The following PIK3R3 variants were observed in gnomAD, a reference collection of about 807,000 sequenced individuals.
PIK3R3 encodes the protein phosphatidylinositol 3-kinase regulatory subunit gamma.
A neutral mutation model predicts 62.9 loss-of-function variants in PIK3R3; 64 were observed. The observed-to-expected ratio is 1.02, with a 90% CI of 0.83 to 1.25. The LOEUF (loss-of-function observed/expected upper bound fraction) is 1.25, where lower values mean the gene tolerates loss of function less well. Among genes scored for constraint, PIK3R3 ranks in the 50% most tolerant of loss-of-function variants. The pLI, the probability that PIK3R3 is intolerant of heterozygous loss-of-function variation, is 0.00. For missense variants in PIK3R3, 614 were observed against 561.6 expected (o/e 1.09, Z -0.94); for synonymous variants, 165 against 189.0 (o/e 0.87, Z 1.04).
intron 1 of PIK3R3, among the ~76,000 whole-genome samples, chr1:46,084,397 T>G (rs1017943216): frequency 6.6e-6 from 1 of 152,220 alleles, no homozygotes; most frequent in African/African-American, 2.4e-5. Context: ...GTGGGTGAAC[T>G]GCATGGCATG....
chr1:46,042,327 G>A lies in PIK3R3; in HGVS notation c.*1346C>T, dbSNP rs1647011997. 1 of 228,484 alleles carries A rather than the reference G, an allele frequency of 4.4e-6. No homozygotes were observed. 14.2% of individuals were successfully genotyped at this position (228,484 alleles called of 1,614,324 possible). A position where few individuals can be genotyped will look rare whatever the true frequency, so the allele number is the denominator to read the frequency against. On this transcript the variant is annotated 3_prime_UTR_variant, in exon 10 of 10. Coordinates refer to ENST00000262741, the MANE Select transcript of PIK3R3 (RefSeq NM_003629.4). The surrounding 1 kb of genome is among the most constrained non-coding windows in gnomAD (Gnocchi z 4.3). The stretch of plus-strand genomic sequence containing the variant: ...AGACTGCACATAGCCTTAATGGCAG[G>A]ATCACAAAAAAAGGCAAAGAGAAAA...
intron 1 of PIK3R3, among the ~76,000 whole-genome samples, chr1:46,102,399 G>GT (rs1274076078): frequency 6.6e-6 from 1 of 152,142 alleles, no homozygotes; most frequent in African/African-American, 2.4e-5. Flanking sequence ...CAACTGTATA[G>GT]TGGTCTTGGA....
At chr1:46,083,594 C>CA (rs1333872454) in intron 1 of PIK3R3, among the ~76,000 whole-genome samples, 4 of 152,034 alleles carry the variant, frequency 2.6e-5, no homozygotes, top group Non-Finnish European at 4.4e-5. Context: ...CAATAAAAGA[C>CA]AAATGACCCA....
chr1:46,104,958 TAA>T, intron 1 of PIK3R3: 1 of 458,418 alleles, frequency 2.2e-6, no homozygotes, highest in East Asian at 4.7e-5. Context: ...AAACACACAC[TAA>T]GTCATCTCCA....
upstream of PIK3R3, among the ~76,000 whole-genome samples, chr1:46,135,303 A>G (rs1039388730): frequency 4.6e-5 from 7 of 152,164 alleles, no homozygotes; most frequent in African/African-American, 1.7e-4. Flanking sequence ...ACAACCTGCT[A>G]CTTTGGGAGC....
chr1:46,110,524 T>C (rs948854153), intron 1 of PIK3R3, among the ~76,000 whole-genome samples: 3 of 152,068 alleles, frequency 2.0e-5, no homozygotes, highest in Non-Finnish European at 2.9e-5. Context: ...TGTTAAGTAA[T>C]ACCTCTTCTT....
intron 7 of PIK3R3, among the ~76,000 whole-genome samples, chr1:46,049,473 G>A (rs933349695): frequency 5.9e-5 from 9 of 152,246 alleles, no homozygotes; most frequent in African/African-American, 2.2e-4. Flanking sequence ...AGAAAACGGG[G>A]TGACAGAAAA....
the PIK3R3 span, among the ~76,000 whole-genome samples, chr1:46,157,294 A>G: frequency 2.0e-5 from 3 of 152,108 alleles, no homozygotes; most frequent in Non-Finnish European, 4.4e-5. Context: ...CCACCACGCC[A>G]GCTAATTTTC....
At chr1:46,130,336 G>A (rs1235830483) in intron 1 of PIK3R3, among the ~76,000 whole-genome samples, 1 of 152,102 alleles carries the variant, frequency 6.6e-6, no homozygotes, top group Non-Finnish European at 1.5e-5. Flanking sequence ...TATCTAACAT[G>A]CTTTACCGTT....
At chr1:46,057,321 C>T (rs1221243350) in intron 6 of PIK3R3, 2 of 152,310 alleles carry the variant, frequency 1.3e-5, no homozygotes. Context: ...GTAAATTGCC[C>T]TGTCTTGGGT....
rs1647056979 is a variant in PIK3R3 at position 46,044,342 on chromosome 1, GGGATTACA to G, written c.1188-479_1188-472del. Among the ~76,000 whole-genome samples the G allele has an allele frequency of 6.6e-6, 1 of 152,110 alleles. No individual in the cohort carries two copies. Among genetic ancestry groups the G allele is most frequent in the Non-Finnish European group, 1.5e-5 (1 of 68,012 alleles). On this transcript the variant is annotated intron_variant, in intron 9 of 9. Coordinates refer to ENST00000262741, the MANE Select transcript of PIK3R3 (RefSeq NM_003629.4). The surrounding 1 kb of genome is among the most constrained non-coding windows in gnomAD (Gnocchi z 4.2). ...TCCTGCCTTAGCCTATTAAAATGCTGGGATTACAGGTGTGAGCCACCACGCCCAGCCAA... is the reference window on the plus strand; with the variant it reads ...TCCTGCCTTAGCCTATTAAAATGCTGGGTGTGAGCCACCACGCCCAGCCAA...
intron 2 of PIK3R3, among the ~76,000 whole-genome samples, chr1:46,079,648 C>A (rs1650389645): frequency 6.6e-6 from 1 of 152,190 alleles, no homozygotes; most frequent in Non-Finnish European, 1.5e-5. Flanking sequence ...AAGTAATAAT[C>A]ACACCCATAA....
At chr1:46,043,964 A>C (rs916865240) in intron 9 of PIK3R3, 93 bp from the exon 10 acceptor site, 5 of 1,104,586 alleles carry the variant, frequency 4.5e-6, no homozygotes, top group Non-Finnish European at 6.5e-6. Flanking sequence ...ATTGTTATGC[A>C]AACAAGTGTT....
chr1:46,136,686 G>A (rs1317639522), upstream of PIK3R3, among the ~76,000 whole-genome samples: 1 of 152,194 alleles, frequency 6.6e-6, no homozygotes, highest in Non-Finnish European at 1.5e-5. Flanking sequence ...ACCTCAGCAT[G>A]TGATGTAGAT....
chr1:46,168,763 GC>G, the PIK3R3 span, among the ~76,000 whole-genome samples: 1 of 152,176 alleles, frequency 6.6e-6, no homozygotes, highest in African/African-American at 2.4e-5. Flanking sequence ...GGCTCTGGAG[GC>G]CTGACAACTA....
intron 4 of PIK3R3, among the ~76,000 whole-genome samples, 199 bp from the exon 5 acceptor site, chr1:46,066,378 T>TTAA (rs1648990726): frequency 6.6e-6 from 1 of 152,236 alleles, no homozygotes; most frequent in African/African-American, 2.4e-5. Flanking sequence ...AGATCAGCCT[T>TTAA]TAAGTCACAT....
the PIK3R3 span, among the ~76,000 whole-genome samples, chr1:46,138,698 G>A: frequency 6.6e-6 from 1 of 152,212 alleles, no homozygotes; most frequent in East Asian, 1.9e-4. Context: ...CTTCTGCAGG[G>A]GCATCATTCT....
chr1:46,144,720 ATCG>A, the PIK3R3 span, among the ~76,000 whole-genome samples: 1 of 148,560 alleles, frequency 6.7e-6, no homozygotes, highest in South Asian at 2.3e-4. Flanking sequence ...GTGAGCCAAG[ATCG>A]TGCCACTGCA....
At chr1:46,127,354 A>T (rs374290115) in intron 1 of PIK3R3, among the ~76,000 whole-genome samples, 3,322 of 133,782 alleles carry the variant, frequency 0.025, 47 homozygotes, top group East Asian at 0.053. Context: ...AAAAAAAAAA[A>T]AAATATATAT....
Sources: allele counts gnomAD v4.1 joint callset (sites outside exome capture counted in the v4.1 genomes callset), GRCh38; gene constraint gnomAD v4.1.1; non-coding constraint Gnocchi (gnomAD v3.1); transcripts MANE v1.5; gene names NCBI Gene and HGNC (gene_info 2026-07-23, HGNC 2026-07-21).